The following PRKCB variants were observed in gnomAD, a reference collection of about 807,000 sequenced individuals.
PRKCB encodes protein kinase C beta.
Under a neutral mutation model 81.5 loss-of-function variants are expected in PRKCB, and 13 were observed. That is an observed-to-expected ratio of 0.16 (90% CI 0.10 to 0.25). The LOEUF is 0.25. Among genes scored for constraint, PRKCB ranks in the 10% least tolerant of loss-of-function variants. The pLI is 1.00. For missense variants in PRKCB, 509 were observed against 875.7 expected (o/e 0.58, Z 5.29); for synonymous variants, 335 against 321.4 (o/e 1.04, Z -0.45).
In PRKCB at chr16:24,220,426, A is replaced by G; in HGVS notation, c.*5610A>G. 1 of 201,210 alleles carries G rather than the reference A, an allele frequency of 5.0e-6. No individual in the cohort carries two copies. The highest frequency in any genetic ancestry group is 1.0e-5 in the Non-Finnish European group (1 of 99,990). 12.5% of individuals were successfully genotyped at this position (201,210 alleles called of 1,614,324 possible). On this transcript the variant is annotated 3_prime_UTR_variant, in exon 17 of 17. Transcript: ENST00000643927. ...AATGCTTCAGTATTTGTAATTTTTC[A>G]AGTCAGAAGCTGATGTTCCTGGTAA...
chr16:23,933,785 TCCATCC>T (rs1964014229), intron 2 of PRKCB, among the ~76,000 whole-genome samples: 1 of 148,162 alleles, frequency 6.7e-6, no homozygotes, highest in Non-Finnish European at 1.5e-5. Flanking sequence ...CATCCATCCA[TCCATCC>T]ATCCATCCAT....
chr16:23,891,040 GTA>G (rs60980013), intron 2 of PRKCB, among the ~76,000 whole-genome samples: 10 of 145,714 alleles, frequency 6.9e-5, no homozygotes, highest in South Asian at 2.2e-4. Flanking sequence ...TAATGTGTGT[GTA>G]TATATATATA....
chr16:23,884,455 T>G (rs901044169), intron 2 of PRKCB, among the ~76,000 whole-genome samples: 2 of 152,234 alleles, frequency 1.3e-5, no homozygotes, highest in Non-Finnish European at 2.9e-5. Flanking sequence ...CATTAAAAAT[T>G]GTGAACATTC....
chr16:23,864,616 T>C (rs1305101233), intron 2 of PRKCB, among the ~76,000 whole-genome samples: 2 of 152,166 alleles, frequency 1.3e-5, no homozygotes, highest in African/African-American at 4.8e-5. Flanking sequence ...GAGACCTGCA[T>C]TGGGAGTTGC....
chr16:24,154,557 C>G, intron 9 of PRKCB, 127 bp from the exon 10 acceptor site: 1 of 813,146 alleles, frequency 1.2e-6, no homozygotes, highest in Non-Finnish European at 1.9e-6. Flanking sequence ...AAAACATTAC[C>G]TGTTGTTTCA....
chr16:24,219,655 AACACACACACACACACACAC>A lies in PRKCB; in HGVS notation c.*4868_*4887del, dbSNP rs869265824. 1,356 of 742,614 alleles carry A rather than the reference AACACACACACACACACACAC, an allele frequency of 1.8e-3. 49 individuals carry two copies. In the Admixed American group the frequency reaches 0.092, roughly 51 times the overall value. 46.0% of individuals were successfully genotyped at this position (742,614 alleles called of 1,614,324 possible). On this transcript the variant is annotated 3_prime_UTR_variant, in exon 17 of 17. Coordinates refer to ENST00000643927, the MANE Select transcript of PRKCB (RefSeq NM_002738.7). ...ATCCTAAAGCCAAAGAAAATACAGC[AACACACACACACACACACAC>A]ACACACACACACACACACACACACA...
chr16:23,964,810 T>C (rs1474811484), intron 2 of PRKCB, among the ~76,000 whole-genome samples: 1 of 152,000 alleles, frequency 6.6e-6, no homozygotes, highest in East Asian at 1.9e-4. Flanking sequence ...GCTGGGATTA[T>C]AGGTACCTGC....
intron 3 of PRKCB, among the ~76,000 whole-genome samples, chr16:23,995,837 A>G (rs746644684): frequency 2.0e-5 from 3 of 152,222 alleles, no homozygotes; most frequent in African/African-American, 2.4e-5. Context: ...TTGACAAAGG[A>G]AGAGCAGACT....
Position 24,174,500 on chromosome 16 carries a change from T to C in PRKCB, c.1332-18T>C, listed in dbSNP as rs1391117097. The C allele has an allele frequency of 1.9e-6, 3 of 1,607,264 alleles. No homozygotes were observed. Among genetic ancestry groups the C allele is most frequent in the Non-Finnish European group, 2.5e-6 (3 of 1,177,448 alleles). ...TCCTTGAGTTTCTCCATCGCTTTTTTTTTTTTTTTAATTTCAGATTTTACG... is the reference window on the plus strand; with the variant it reads ...TCCTTGAGTTTCTCCATCGCTTTTTCTTTTTTTTTAATTTCAGATTTTACG... On this transcript the variant is annotated intron_variant, in intron 11 of 16. Coordinates refer to ENST00000643927, the MANE Select transcript of PRKCB (RefSeq NM_002738.7).
intron 3 of PRKCB, among the ~76,000 whole-genome samples, chr16:24,009,687 T>C (rs1268524781): frequency 2.6e-5 from 4 of 151,950 alleles, no homozygotes; most frequent in Admixed American, 2.6e-4. Context: ...GCAGATACTA[T>C]GGAAAACAGT....
chr16:24,197,721 C>A (rs975874518), intron 16 of PRKCB, among the ~76,000 whole-genome samples: 1 of 152,082 alleles, frequency 6.6e-6, no homozygotes, highest in Non-Finnish European at 1.5e-5. Context: ...CAGGTTGGGG[C>A]TGTTTGAGAA....
chr16:24,122,373 G>A (rs922113829), intron 8 of PRKCB, among the ~76,000 whole-genome samples: 3 of 151,586 alleles, frequency 2.0e-5, no homozygotes, highest in African/African-American at 7.3e-5. Context: ...TATATATTGG[G>A]CAGAGGAATG....
At position 23,921,817 on chromosome 16, in the gene PRKCB, C is replaced by T. The variant is rs531663845; in HGVS notation, c.206-66691C>T. Among the ~76,000 whole-genome samples, 4 of 152,182 alleles carry T rather than the reference C, an allele frequency of 2.6e-5. No individual in the cohort carries two copies. In the South Asian group the frequency reaches 8.3e-4, roughly 32 times the overall value. On this transcript the variant is annotated intron_variant, in intron 2 of 16. Coordinates refer to ENST00000643927, the MANE Select transcript of PRKCB (RefSeq NM_002738.7). The stretch of plus-strand genomic sequence containing the variant: ...GAAAAAATAAATAAAAAAAGATATG[C>T]TATACCCTCATATCACAATAATGCC...
chr16:24,022,052 C>G lies in PRKCB; in HGVS notation c.289-10084C>G, dbSNP rs9926307. ...AACAGGAAATACTGGGAAGAGGAAT[C>G]GTGCCAGGATCCTGTGGAAACCTGA... On this transcript the variant is annotated intron_variant, in intron 3 of 16. Transcript: ENST00000643927. Among the ~76,000 whole-genome samples the G allele has an allele frequency of 7.1e-3, 1,077 of 152,210 alleles. 5 individuals carry two copies. The highest frequency in any genetic ancestry group is 0.017 in the South Asian group (83 of 4,816).
At chr16:24,147,726 G>T (rs1382938987) in intron 9 of PRKCB, among the ~76,000 whole-genome samples, 1 of 152,166 alleles carries the variant, frequency 6.6e-6, no homozygotes, top group African/African-American at 2.4e-5. Flanking sequence ...TAAGGGACAG[G>T]TGACTAGGTG....
intron 3 of PRKCB, among the ~76,000 whole-genome samples, chr16:24,025,557 C>T (rs1366555048): frequency 6.6e-6 from 1 of 152,180 alleles, no homozygotes; most frequent in African/African-American, 2.4e-5. Context: ...CCTCACATTG[C>T]ATGCAGTGAA....
intron 2 of PRKCB, among the ~76,000 whole-genome samples, chr16:23,873,204 A>T (rs11647863): frequency 0.013 from 1,797 of 140,854 alleles, 25 homozygotes; most frequent in East Asian, 0.052. Flanking sequence ...AAAAAAAAAA[A>T]AAAAAGAAAA....
intron 9 of PRKCB, among the ~76,000 whole-genome samples, chr16:24,130,546 A>G (rs1445032907): frequency 6.6e-6 from 1 of 152,174 alleles, no homozygotes; most frequent in African/African-American, 2.4e-5. Flanking sequence ...CATCTGCTGT[A>G]ACAAATAGAC....
intron 3 of PRKCB, among the ~76,000 whole-genome samples, chr16:24,006,226 G>A (rs1431571927): frequency 2.0e-5 from 3 of 152,224 alleles, no homozygotes; most frequent in South Asian, 2.1e-4. Flanking sequence ...CCAAGAGGAT[G>A]CCTTAGAAGG....
Sources: gnomAD v4.1 joint callset for allele counts (sites outside exome capture counted in the v4.1 genomes callset) on GRCh38, gnomAD v4.1.1 for gene constraint, MANE v1.5 for transcripts, NCBI Gene and HGNC (gene_info 2026-07-23, HGNC 2026-07-21) for gene names.